The following COL20A1 variants were observed in gnomAD, a reference collection of about 807,000 sequenced individuals.
COL20A1 encodes collagen type XX alpha 1 chain.
A neutral mutation model predicts 152.9 loss-of-function variants in COL20A1; 164 were observed. The ratio of observed to expected loss-of-function variants is 1.07; its 90% CI spans 0.94 to 1.22. The LOEUF (loss-of-function observed/expected upper bound fraction) is 1.22. Among genes scored for constraint, COL20A1 ranks in the 50% most tolerant of loss-of-function variants. The pLI is 0.00. For synonymous variants in COL20A1, 864 were observed against 756.0 expected (o/e 1.14, Z -2.34); for missense variants, 1,873 against 1,744.8 (o/e 1.07, Z -1.31).
chr20:63,329,961 G>A (rs567012735), intron 35 of COL20A1, among the ~76,000 whole-genome samples: 1 of 152,320 alleles, frequency 6.6e-6, no homozygotes, highest in East Asian at 1.9e-4. Flanking sequence ...ATGCAGAGTT[G>A]CGTGCTGGGG....
rs370353816 is a variant in COL20A1 at position 63,321,691 on chromosome 20, A to AC, written c.3241-365dup. Among the ~76,000 whole-genome samples, 457 of 152,130 alleles carry AC rather than the reference A, an allele frequency of 3.0e-3. 6 individuals carry two copies. The highest frequency in any genetic ancestry group is 9.5e-3 in the African/African-American group (395 of 41,506). On this transcript the variant is annotated intron_variant, in intron 26 of 35. Transcript: ENST00000358894. The stretch of plus-strand genomic sequence containing the variant: ...GGGGTGGGTCCTGAGAGGTCCTTGG[A>AC]CCTGCCATGGCTGCAGCTGCCTCTG...
intron 27 of COL20A1, among the ~76,000 whole-genome samples, 160 bp downstream of exon 27, chr20:63,322,271 C>G (rs1031591764): frequency 2.0e-5 from 3 of 152,116 alleles, no homozygotes; most frequent in African/African-American, 7.2e-5. Flanking sequence ...ACCCCAGCAC[C>G]CCAGGAGTCC....
In COL20A1 at chr20:63,319,961, G is replaced by C. The variant is rs1020821655; in HGVS notation, c.2917-78G>C. ...TCCCAGGGATGGGTGTTACTCCCCAGCCCTGGCCTGGCCTTGGGGGCTCAG... is the reference window on the plus strand; with the variant it reads ...TCCCAGGGATGGGTGTTACTCCCCACCCCTGGCCTGGCCTTGGGGGCTCAG... On this transcript the variant is annotated intron_variant, in intron 23 of 35. Coordinates refer to ENST00000358894, the MANE Select transcript of COL20A1 (RefSeq NM_020882.4). This position sits in a 1 kb window ranked among gnomAD's most constrained non-coding sequence, Gnocchi z 4.4. The C allele has an allele frequency of 7.8e-7, 1 of 1,290,288 alleles. No individual in the cohort carries two copies. Among genetic ancestry groups the C allele is most frequent in the African/African-American group, 2.3e-5 (1 of 44,082 alleles). The allele number at this position is 1,290,288 out of a possible 1,614,324, so 79.9% of individuals were successfully genotyped here.
chr20:63,310,043 G>A (rs1653751470), intron 10 of COL20A1, 128 bp downstream of exon 10: 1 of 919,402 alleles, frequency 1.1e-6, no homozygotes, highest in Admixed American at 2.9e-5. Flanking sequence ...GGGTGTCGAG[G>A]GGCTGACAGC....
chr20:63,320,608 C>A (rs1001687651), intron 25 of COL20A1, among the ~76,000 whole-genome samples: 1 of 152,186 alleles, frequency 6.6e-6, no homozygotes, highest in African/African-American at 2.4e-5. Flanking sequence ...CCATGCCCAC[C>A]TCTGTGGGCC....
Position 63,311,272 on chromosome 20 carries a change from T to G in COL20A1, c.1394-122T>G. 1 of 1,134,356 alleles carries G rather than the reference T, an allele frequency of 8.8e-7. No homozygotes were observed. The highest frequency in any genetic ancestry group is 1.2e-6 in the Non-Finnish European group (1 of 822,990). The allele number at this position is 1,134,356 out of a possible 1,614,324, so 70.3% of individuals were successfully genotyped here. A position where few individuals can be genotyped will look rare whatever the true frequency, so the allele number is the denominator to read the frequency against. On this transcript the variant is annotated intron_variant, in intron 11 of 35. Coordinates refer to ENST00000358894, the MANE Select transcript of COL20A1 (RefSeq NM_020882.4). This position sits in a 1 kb window ranked among gnomAD's most constrained non-coding sequence, Gnocchi z 4.4. ...AAGGTGAAGCCTGGGAAGTGCCACT[T>G]TGAATCCTGTGCACCTGCCAGGCGG...
chr20:63,316,446 G>A (rs1401651853), intron 20 of COL20A1, 107 bp from the exon 21 acceptor site: 9 of 166,714 alleles, frequency 5.4e-5, no homozygotes, highest in East Asian at 2.1e-4. Flanking sequence ...CCCTCCCACC[G>A]CACTGCAGCC....
chr20:63,296,311 C>G (rs1366165641), intron 2 of COL20A1, among the ~76,000 whole-genome samples: 1 of 152,280 alleles, frequency 6.6e-6, no homozygotes, highest in African/African-American at 2.4e-5. Flanking sequence ...CAGTAAGTTG[C>G]TTCTACAGAA....
intron 27 of COL20A1, among the ~76,000 whole-genome samples, chr20:63,322,590 G>A (rs971373835): frequency 2.0e-5 from 3 of 152,234 alleles, no homozygotes; most frequent in Non-Finnish European, 4.4e-5. Context: ...TTTCGGGGGC[G>A]GAGGTTCTGG....
intron 21 of COL20A1, 118 bp from the exon 22 acceptor site, chr20:63,318,940 C>A (rs1433758452): frequency 1.3e-6 from 1 of 782,334 alleles, no homozygotes; most frequent in Non-Finnish European, 2.2e-6. Context: ...TCCACCATGA[C>A]CCTCAGAGCA....
At chr20:63,326,488 C>T (rs1474508091) in intron 30 of COL20A1, among the ~76,000 whole-genome samples, 1 of 152,184 alleles carries the variant, frequency 6.6e-6, no homozygotes, top group East Asian at 1.9e-4. Context: ...CTTGCAGTCA[C>T]ACTGGAGCAG....
In COL20A1 at chr20:63,326,829, T is replaced by TG; in HGVS notation, c.3528+7dup. 6.7e-7 allele frequency: 1 copy of TG among 1,495,686 alleles called. No individual in the cohort carries two copies. Among genetic ancestry groups the TG allele is most frequent in the Non-Finnish European group, 8.8e-7 (1 of 1,133,974 alleles). The allele number at this position is 1,495,686 out of a possible 1,614,324, so 92.7% of individuals were successfully genotyped here. On this transcript the variant is annotated splice_region_variant and intron_variant, in intron 31 of 35. Transcript: ENST00000358894. ...CAGGGACCGTGGGGCCCACAGTAAG[T>TG]GCATTTCCAACACCCACCAGCCAAC...
At position 63,312,016 on chromosome 20, in the gene COL20A1, GGTCACCTATGT is replaced by G; in HGVS notation, c.1768_1778del (p.Thr590GlnfsTer135). ...CCCCGAGGCCTGTGCGCCTGGTCAGGGTCACCTATGTGTCCAGCGAGGGTGGACACTCGGGG... is the reference window on the plus strand; with the variant it reads ...CCCCGAGGCCTGTGCGCCTGGTCAGGGTCCAGCGAGGGTGGACACTCGGGG... On this transcript the variant is annotated frameshift_variant, in exon 14 of 36. Coordinates refer to ENST00000358894, the MANE Select transcript of COL20A1 (RefSeq NM_020882.4). LOFTEE classifies it high-confidence loss of function. 5.6e-6 allele frequency: 9 copies of G among 1,605,154 alleles called. No individual in the cohort carries two copies. Among genetic ancestry groups the G allele is most frequent in the Non-Finnish European group, 5.9e-6 (7 of 1,176,572 alleles).
chr20:63,315,147 C>T (rs2068068540), intron 19 of COL20A1, among the ~76,000 whole-genome samples: 1 of 152,246 alleles, frequency 6.6e-6, no homozygotes, highest in East Asian at 1.9e-4. Context: ...GACCCGGGGC[C>T]CACTGGGCTG....
rs1171768756 is a variant in COL20A1, at chr20:63,331,655, G to C, written c.*939G>C. 6.6e-6 allele frequency: 1 copy of C among 152,208 alleles called. No homozygotes were observed. The highest frequency in any genetic ancestry group is 1.5e-5 in the Non-Finnish European group (1 of 68,062). The allele number at this position is 152,208 out of a possible 1,614,324, so 9.4% of individuals were successfully genotyped here. A position where few individuals can be genotyped will look rare whatever the true frequency, so the allele number is the denominator to read the frequency against. On this transcript the variant is annotated 3_prime_UTR_variant, in exon 36 of 36. Coordinates refer to ENST00000358894, the MANE Select transcript of COL20A1 (RefSeq NM_020882.4). Reference sequence around the variant, plus strand: ...GCTTCTGGGCCTTGTGGCCCGTGGGGGTGATGTGGGAACTTCTACTTCCTT... The same window carrying C: ...GCTTCTGGGCCTTGTGGCCCGTGGGCGTGATGTGGGAACTTCTACTTCCTT...
intron 31 of COL20A1, 79 bp downstream of exon 31, chr20:63,326,902 G>A: frequency 6.8e-6 from 7 of 1,026,814 alleles, no homozygotes; most frequent in South Asian, 5.4e-5. Flanking sequence ...AACCACTCAG[G>A]GACTTCCTAC....
chr20:63,330,092 C>T (rs1215255193), intron 35 of COL20A1, among the ~76,000 whole-genome samples: 3 of 151,886 alleles, frequency 2.0e-5, no homozygotes, highest in African/African-American at 7.3e-5. Flanking sequence ...CCTGTGAGGC[C>T]CTGGGTATGT....
chr20:63,315,357 G>T, intron 19 of COL20A1, 47 bp from the exon 20 acceptor site: 1 of 1,544,430 alleles, frequency 6.5e-7, no homozygotes. Context: ...TCAGGCGTTG[G>T]AGGCTGGGCC....
intron 30 of COL20A1, 96 bp downstream of exon 30, chr20:63,326,245 A>G: frequency 1.0e-6 from 1 of 971,244 alleles, no homozygotes; most frequent in Non-Finnish European, 1.6e-6. Context: ...TGCCACCCCT[A>G]GGTTACCCCA....
Sources: gnomAD v4.1 joint callset for allele counts (sites outside exome capture counted in the v4.1 genomes callset) on GRCh38, gnomAD v4.1.1 for gene constraint, Gnocchi (gnomAD v3.1) non-coding constraint, MANE v1.5 for transcripts, NCBI Gene and HGNC (gene_info 2026-07-23, HGNC 2026-07-21) for gene names.